TNK1: variants seen among roughly 807,000 people sequenced by gnomAD.
TNK1 encodes tyrosine kinase non receptor 1, also known as non-receptor tyrosine-protein kinase TNK1.
In TNK1, 53 loss-of-function variants were observed where a neutral mutation model predicts 65.2. The ratio of observed to expected loss-of-function variants is 0.81; its 90% CI spans 0.65 to 1.02. The LOEUF is 1.02. Ranked by LOEUF, TNK1 falls within the 50% of genes least tolerant of loss-of-function variation. TNK1 has a pLI of 0.00. For missense variants in TNK1, 837 were observed against 878.4 expected (o/e 0.95, Z 0.60); for synonymous variants, 353 against 364.6 (o/e 0.97, Z 0.36).
At position 7,383,107 on chromosome 17, in the gene TNK1, C is replaced by G. The variant is rs114938550; in HGVS notation, c.163+18C>G. On this transcript the variant is annotated intron_variant, in intron 2 of 12. Transcript: ENST00000688331. ...CCGGCCTGGTGAGGGACCCCTGCCC[C>G]GAGGCCCTGGTCTCTCTGTCCACAG... The G allele has an allele frequency of 2.5e-6, 4 of 1,613,662 alleles. No individual in the cohort carries two copies. The highest frequency in any genetic ancestry group is 2.2e-5 in the South Asian group (2 of 91,048).
In TNK1 at chr17:7,382,869, C is replaced by T; in HGVS notation, c.-58C>T. On this transcript the variant is annotated 5_prime_UTR_variant, in exon 2 of 13. Transcript: ENST00000688331. This position sits in a 1 kb window ranked among gnomAD's most constrained non-coding sequence, Gnocchi z 4.1. ...GGAGACCTGGTCTCTCTAGGGCCTACCCTGAGCTCACCATCTGAAGGAGAG... is the reference window on the plus strand; with the variant it reads ...GGAGACCTGGTCTCTCTAGGGCCTATCCTGAGCTCACCATCTGAAGGAGAG... 1 of 1,595,526 alleles carries T rather than the reference C, an allele frequency of 6.3e-7. No homozygotes were observed. Among genetic ancestry groups the T allele is most frequent in the Non-Finnish European group, 8.6e-7 (1 of 1,169,212 alleles).
Position 7,388,469 on chromosome 17 carries a change from G to A in TNK1, c.1541G>A (p.Ser514Asn). The A allele has an allele frequency of 6.2e-7, 1 of 1,613,854 alleles. No homozygotes were observed. Among genetic ancestry groups the A allele is most frequent in the Non-Finnish European group, 8.5e-7 (1 of 1,179,854 alleles). Residue 514 changes from serine to asparagine, a missense_variant, in exon 11 of 13, where the codon AGC (serine) becomes AAC (asparagine). Physicochemically the swap from Ser to Asn is conservative, Grantham distance 46. Coordinates refer to ENST00000688331, the MANE Select transcript of TNK1 (RefSeq NM_003985.6). This position sits in a 1 kb window ranked among gnomAD's most constrained non-coding sequence, Gnocchi z 4.5. The part of the protein sequence containing the change: ...LGPRPTGGGS[S>N]PPEIRQARAV... ...CCTCGTCCCACAGGGGGTGGTTCAAGCCCCCCTGAAATTCGACAAGCCAGA... is the reference window on the plus strand; with the variant it reads ...CCTCGTCCCACAGGGGGTGGTTCAAACCCCCCTGAAATTCGACAAGCCAGA...
Position 7,386,551 on chromosome 17 carries a change from G to A in TNK1, c.1138-10G>A, listed in dbSNP as rs923727564. Reference sequence around the variant, plus strand: ...ACAAGCCCAGCCACCCTTTCCTCTTGTCTCCACAGGCCGGGCCTTCGGAAG... The same window carrying A: ...ACAAGCCCAGCCACCCTTTCCTCTTATCTCCACAGGCCGGGCCTTCGGAAG... On this transcript the variant is annotated splice_polypyrimidine_tract_variant and intron_variant, in intron 7 of 12. Transcript: ENST00000688331. 3.8e-6 allele frequency: 6 copies of A among 1,592,434 alleles called. No individual in the cohort carries two copies. The highest frequency in any genetic ancestry group is 1.8e-5 in the Admixed American group (1 of 56,708).
At chr17:7,387,852 C>G (rs1234777685) in intron 10 of TNK1, among the ~76,000 whole-genome samples, 1 of 152,184 alleles carries the variant, frequency 6.6e-6, no homozygotes, top group East Asian at 1.9e-4. Context: ...GATCTGCCTG[C>G]CTCGGCCTCT....
At position 7,384,636 on chromosome 17, in the gene TNK1, C is replaced by G. The variant is rs778650950; in HGVS notation, c.1019C>G (p.Ala340Gly). 6.2e-7 allele frequency: 1 copy of G among 1,610,114 alleles called. No homozygotes were observed. Among genetic ancestry groups the G allele is most frequent in the South Asian group, 1.1e-5 (1 of 90,128 alleles). ...YLILQRLEDR[A>G]RLPRPPLCSR... ...ATCCTGCAGCGGCTGGAGGACAGAG[C>G]CCGGCTGCCTAGGCCTCCCCTCTGC... Residue 340 changes from alanine (A) to glycine (G), a missense_variant, in exon 7 of 13, where the codon GCC becomes GGC. Coordinates refer to ENST00000688331, the MANE Select transcript of TNK1 (RefSeq NM_003985.6).
rs199936079 is a variant in TNK1 at position 7,388,930 on chromosome 17, C to T, written c.1873-41C>T. The T allele has an allele frequency of 2.2e-5, 34 of 1,558,696 alleles. No individual in the cohort carries two copies. Among genetic ancestry groups the T allele is most frequent in the Admixed American group, 1.7e-4 (9 of 51,588 alleles). On this transcript the variant is annotated intron_variant, in intron 12 of 12. Transcript: ENST00000688331. This position sits in a 1 kb window ranked among gnomAD's most constrained non-coding sequence, Gnocchi z 4.5. Reference sequence around the variant, plus strand: ...GGGGTCCCTCCTCTCCTGCCCCTGCCGCCTGGCAGTCAGCTGCAACCCACC... The same window carrying T: ...GGGGTCCCTCCTCTCCTGCCCCTGCTGCCTGGCAGTCAGCTGCAACCCACC...
chr17:7,381,719 C>A (rs975082804), intron 1 of TNK1, among the ~76,000 whole-genome samples: 5 of 152,220 alleles, frequency 3.3e-5, no homozygotes, highest in Non-Finnish European at 7.3e-5. Context: ...TGACTGTGGA[C>A]CTCTTTTGGC....
chr17:7,388,817 C>G lies in TNK1; in HGVS notation c.1806C>G (p.His602Gln). 6.2e-7 allele frequency: 1 copy of G among 1,607,942 alleles called. No individual in the cohort carries two copies. The highest frequency in any genetic ancestry group is 8.5e-7 in the Non-Finnish European group (1 of 1,177,138). ...EVELSVHGVT[H>Q]QECQTALGAT... ...AGCTGAGTGTGCATGGGGTCACCCACCAGGAGTGCCAGACAGCACTAGGAG... is the reference window on the plus strand; with the variant it reads ...AGCTGAGTGTGCATGGGGTCACCCAGCAGGAGTGCCAGACAGCACTAGGAG... The change falls in exon 12 of 13, where the codon CAC becomes CAG. Residue 602 changes from histidine (H) to glutamine (Q), a missense_variant. His to Gln is a conservative substitution (Grantham distance 24, BLOSUM62 0). Coordinates refer to ENST00000688331, the MANE Select transcript of TNK1 (RefSeq NM_003985.6). The surrounding 1 kb of genome is among the most constrained non-coding windows in gnomAD (Gnocchi z 4.5).
Position 7,387,436 on chromosome 17 carries a change from A to G in TNK1, c.1456A>G (p.Met486Val). Residue 486 changes from methionine (M) to valine (V), a missense_variant, in exon 10 of 13, where the codon ATG becomes GTG. Coordinates refer to ENST00000688331, the MANE Select transcript of TNK1 (RefSeq NM_003985.6). ...APPARGQRRN[M>V]PLERMKGISR... ...CCCAGCACGGGGCCAGAGGAGGAACATGCCCCTGGAGAGGATGAAAGGTGG... is the reference window on the plus strand; with the variant it reads ...CCCAGCACGGGGCCAGAGGAGGAACGTGCCCCTGGAGAGGATGAAAGGTGG... 6.3e-7 allele frequency: 1 copy of G among 1,598,856 alleles called. No homozygotes were observed. Among genetic ancestry groups the G allele is most frequent in the South Asian group, 1.1e-5 (1 of 88,452 alleles).
rs1905013335 is a variant in TNK1 at position 7,384,005 on chromosome 17, G to T, written c.618G>T (p.Ala206=). 2.0e-6 allele frequency: 3 copies of T among 1,495,222 alleles called. No homozygotes were observed. Among genetic ancestry groups the T allele is most frequent in the Admixed American group, 2.2e-5 (1 of 45,368 alleles). The allele number at this position is 1,495,222 out of a possible 1,614,324, so 92.6% of individuals were successfully genotyped here. A position where few individuals can be genotyped will look rare whatever the true frequency, so the allele number is the denominator to read the frequency against. The change falls in exon 6 of 13, where the codon GCG becomes GCT. Residue 206 remains alanine, a synonymous_variant. Coordinates refer to ENST00000688331, the MANE Select transcript of TNK1 (RefSeq NM_003985.6). ...TGGCGCCACTGGGCTCCCTGCACGC[G>T]CGCCTAACGGCCCCGGCCCCGACAC... ...MELAPLGSLH[A]RLTAPAPTPP...
At position 7,382,727 on chromosome 17, in the gene TNK1, T is replaced by G. The variant is rs200933019; in HGVS notation, c.-91-109T>G. The G allele has an allele frequency of 2.3e-6, 1 of 438,338 alleles. No individual in the cohort carries two copies. Among genetic ancestry groups the G allele is most frequent in the Non-Finnish European group, 3.7e-6 (1 of 272,646 alleles). The allele number at this position is 438,338 out of a possible 1,614,324, so 27.2% of individuals were successfully genotyped here. ...TGAAGGGACAGAGTACCCGGATGCCTGGGCACGGGGAACATTCTATCTGGG... is the reference window on the plus strand; with the variant it reads ...TGAAGGGACAGAGTACCCGGATGCCGGGGCACGGGGAACATTCTATCTGGG... On this transcript the variant is annotated intron_variant, in intron 1 of 12. Coordinates refer to ENST00000688331, the MANE Select transcript of TNK1 (RefSeq NM_003985.6). This position sits in a 1 kb window ranked among gnomAD's most constrained non-coding sequence, Gnocchi z 4.1.
Position 7,387,361 on chromosome 17 carries a change from G to T in TNK1, c.1398-17G>T, listed in dbSNP as rs1349951313. 1 of 1,594,082 alleles carries T rather than the reference G, an allele frequency of 6.3e-7. No homozygotes were observed. Among genetic ancestry groups the T allele is most frequent in the Non-Finnish European group, 8.5e-7 (1 of 1,170,612 alleles). ...GGAGAGTTGGTGTGGAGGATGAACT[G>T]GATCCCTCTCCGACAGAGACAGAAA... On this transcript the variant is annotated splice_polypyrimidine_tract_variant and intron_variant, in intron 9 of 12. Coordinates refer to ENST00000688331, the MANE Select transcript of TNK1 (RefSeq NM_003985.6).
chr17:7,382,122 C>T lies in TNK1; in HGVS notation c.-91-714C>T, dbSNP rs4796414. ...CTCTACTAAAAATACAAAAAATAGC[C>T]GGGCATGGTGGCACGCGCCTGTAGT... On this transcript the variant is annotated intron_variant, in intron 1 of 12. Transcript: ENST00000688331. This position sits in a 1 kb window ranked among gnomAD's most constrained non-coding sequence, Gnocchi z 4.1. Among the ~76,000 whole-genome samples, 48,077 of 151,990 alleles carry T rather than the reference C, an allele frequency of 0.32. 9,363 individuals are homozygous for T. Among genetic ancestry groups the T allele is most frequent in the East Asian group, 0.46 (2,387 of 5,148 alleles).
In TNK1 at chr17:7,382,738, A is replaced by G; in HGVS notation, c.-91-98A>G. 1 of 645,982 alleles carries G rather than the reference A, an allele frequency of 1.5e-6. No individual in the cohort carries two copies. The highest frequency in any genetic ancestry group is 3.0e-5 in the Admixed American group (1 of 33,154). The allele number at this position is 645,982 out of a possible 1,614,324, so 40.0% of individuals were successfully genotyped here. A position where few individuals can be genotyped will look rare whatever the true frequency, so the allele number is the denominator to read the frequency against. ...AGTACCCGGATGCCTGGGCACGGGGAACATTCTATCTGGGATTTGTGTGCG... is the reference window on the plus strand; with the variant it reads ...AGTACCCGGATGCCTGGGCACGGGGGACATTCTATCTGGGATTTGTGTGCG... On this transcript the variant is annotated intron_variant, in intron 1 of 12. Transcript: ENST00000688331. The surrounding 1 kb of genome is among the most constrained non-coding windows in gnomAD (Gnocchi z 4.1).
At chr17:7,384,317 G>T in intron 6 of TNK1, 64 bp downstream of exon 6, 1 of 1,435,090 alleles carries the variant, frequency 7.0e-7, no homozygotes, top group South Asian at 1.5e-5. Flanking sequence ...AGCAGCCGAG[G>T]GAGATCGGAG....
At chr17:7,383,137 T>A in intron 2 of TNK1, 48 bp downstream of exon 2, 4 of 1,612,328 alleles carry the variant, frequency 2.5e-6, no homozygotes, top group Non-Finnish European at 3.4e-6. Flanking sequence ...CCACAGCCTA[T>A]CAGTTGCCTT....
rs1905428298 is a variant in TNK1 at position 7,389,235 on chromosome 17, G to A, written c.*151G>A. On this transcript the variant is annotated 3_prime_UTR_variant, in exon 13 of 13. Transcript: ENST00000688331. Reference sequence around the variant, plus strand: ...CACCTGCCGTAGGCACATGGAGGAGGAGCCCAGAGTTGGGCACTGGCAAAT... The same window carrying A: ...CACCTGCCGTAGGCACATGGAGGAGAAGCCCAGAGTTGGGCACTGGCAAAT... The A allele has an allele frequency of 3.1e-6, 2 of 642,686 alleles. No homozygotes were observed. Among genetic ancestry groups the A allele is most frequent in the Non-Finnish European group, 2.7e-6 (1 of 374,342 alleles). 39.8% of individuals were successfully genotyped at this position (642,686 alleles called of 1,614,324 possible). A position where few individuals can be genotyped will look rare whatever the true frequency, so the allele number is the denominator to read the frequency against.
chr17:7,386,594 G>A lies in TNK1; in HGVS notation c.1171G>A (p.Val391Ile). Residue 391 changes from valine to isoleucine, a missense_variant, in exon 8 of 13, where the codon GTC becomes ATC. Val to Ile is a conservative substitution (Grantham distance 29). Coordinates refer to ENST00000688331, the MANE Select transcript of TNK1 (RefSeq NM_003985.6). ...TTCGGAAGCATGTTGTGTGAGGGATGTCACAGAACCAGGCGCCCTGAGGAT... is the reference window on the plus strand; with the variant it reads ...TTCGGAAGCATGTTGTGTGAGGGATATCACAGAACCAGGCGCCCTGAGGAT... ...GPSEACCVRD[V>I]TEPGALRMET... is the part of the protein sequence containing the mutation. 6.2e-7 allele frequency: 1 copy of A among 1,605,408 alleles called. No homozygotes were observed.
At position 7,382,970 on chromosome 17, in the gene TNK1, G is replaced by C. The variant is rs199784773; in HGVS notation, c.44G>C (p.Arg15Pro). ...AGSLWLLKLL[R>P]DIQLAQFYWP... is the part of the protein sequence containing the mutation. ...TCCCTGTGGCTACTGAAGCTGCTCC[G>C]GGACATCCAGTTGGCCCAGTTTTAC... Residue 15 changes from arginine (R) to proline (P), a missense_variant, in exon 2 of 13, where the codon CGG becomes CCG. Physicochemically the swap from Arg to Pro is moderately radical, Grantham distance 103 (BLOSUM62 -2). Coordinates refer to ENST00000688331, the MANE Select transcript of TNK1 (RefSeq NM_003985.6). The surrounding 1 kb of genome is among the most constrained non-coding windows in gnomAD (Gnocchi z 4.1). 2 of 1,614,028 alleles carry C rather than the reference G, an allele frequency of 1.2e-6. No individual in the cohort carries two copies. Among genetic ancestry groups the C allele is most frequent in the Non-Finnish European group, 1.7e-6 (2 of 1,179,904 alleles).
Sources: gnomAD v4.1 joint callset for allele counts (sites outside exome capture counted in the v4.1 genomes callset) on GRCh38, gnomAD v4.1.1 for gene constraint, Gnocchi (gnomAD v3.1) non-coding constraint, MANE v1.5 for transcripts, NCBI Gene and HGNC (gene_info 2026-07-23, HGNC 2026-07-21) for gene names.